TRIM64B: variants seen among roughly 807,000 people sequenced by gnomAD.
TRIM64B encodes tripartite motif-containing protein 64B.
For missense variants in TRIM64B, 57 were observed against 536.4 expected (o/e 0.11, Z 8.83); for synonymous variants, 17 against 190.3 (o/e 0.09, Z 7.50).
chr11:89,876,480 C>T (rs1297464744), upstream of TRIM64B, among the ~76,000 whole-genome samples: 9 of 149,452 alleles, frequency 6.0e-5, no homozygotes, highest in Non-Finnish European at 1.4e-4. Flanking sequence ...CCCAGCACTT[C>T]GGGAGGCCGA....
intron 5 of TRIM64B, among the ~76,000 whole-genome samples, 155 bp downstream of exon 6, chr11:89,872,060 A>T (rs1224440848): frequency 7.4e-6 from 1 of 135,464 alleles, no homozygotes; most frequent in Non-Finnish European, 1.6e-5. Context: ...TGATCATTGT[A>T]ATATTACTAT....
chr11:89,877,810 C>T (rs1358656817), upstream of TRIM64B, among the ~76,000 whole-genome samples: 1 of 149,438 alleles, frequency 6.7e-6, no homozygotes, highest in Admixed American at 6.7e-5. Context: ...TTAGTAGGGA[C>T]CAGGTTTCAC....
intron 3 of TRIM64B, 37 bp downstream of exon 4, chr11:89,874,012 G>A (rs1472585466): frequency 3.2e-6 from 5 of 1,547,780 alleles, no homozygotes; most frequent in East Asian, 4.9e-5. Flanking sequence ...GTCCAGCAAA[G>A]GCTTCCTGTC....
At chr11:89,877,660 C>T (rs1299411298), upstream of TRIM64B, among the ~76,000 whole-genome samples, 1 of 148,002 alleles carries the variant, frequency 6.8e-6, no homozygotes, top group Non-Finnish European at 1.5e-5. Context: ...CACTCTGTTA[C>T]GCAGGCTGGA....
At chr11:89,877,609 C>CTT (rs1280189775), upstream of TRIM64B, among the ~76,000 whole-genome samples, 146 of 141,510 alleles carry the variant, frequency 1.0e-3, 1 homozygote, top group African/African-American at 3.2e-3. Flanking sequence ...TTTTCTTTTT[C>CTT]TTTTTTTTTT....
chr11:89,871,491 T>A (rs1162474948), intron 5 of TRIM64B, among the ~76,000 whole-genome samples: 1 of 152,012 alleles, frequency 6.6e-6, no homozygotes, highest in Non-Finnish European at 1.5e-5. Flanking sequence ...TGAGTATTTA[T>A]TGGAATGTAA....
chr11:89,871,324 C>T (rs1281868161), intron 5 of TRIM64B, among the ~76,000 whole-genome samples: 91 of 152,262 alleles, frequency 6.0e-4, no homozygotes, highest in South Asian at 2.9e-3. Context: ...AGAGAAAAAA[C>T]GTGACCATAC....
upstream of TRIM64B, among the ~76,000 whole-genome samples, chr11:89,877,983 G>A (rs1401276667): frequency 6.7e-6 from 1 of 148,338 alleles, no homozygotes; most frequent in Non-Finnish European, 1.5e-5. Flanking sequence ...TGAAGAGACA[G>A]CAAATAAGAC....
At chr11:89,876,901 C>G (rs1268508827), upstream of TRIM64B, among the ~76,000 whole-genome samples, 1 of 149,010 alleles carries the variant, frequency 6.7e-6, no homozygotes, top group Admixed American at 6.7e-5. Flanking sequence ...TTAAACAAGC[C>G]GTGCTCTCAG....
intron 4 of TRIM64B, among the ~76,000 whole-genome samples, chr11:89,872,922 CTT>C (rs34678191): frequency 0.13 from 17,614 of 135,866 alleles, 1,977 homozygotes; most frequent in African/African-American, 0.29. Flanking sequence ...CTCCCTCTGT[CTT>C]TTTTTTTTTT....
upstream of TRIM64B, among the ~76,000 whole-genome samples, chr11:89,877,707 C>T (rs1218511757): frequency 4.7e-5 from 7 of 149,330 alleles, no homozygotes; most frequent in Admixed American, 2.0e-4. Flanking sequence ...GCAAGCTCCA[C>T]CTCCCAGGTT....
In TRIM64B at chr11:89,872,918, CTGTCTT is replaced by C. The variant is rs1317288371; in HGVS notation, c.758+344_758+349del. 2.8e-5 allele frequency among the ~76,000 whole-genome samples: 4 copies of C among 144,856 alleles called. No homozygotes were observed. In the East Asian group the frequency reaches 6.2e-4, roughly 23 times the overall value. On this transcript the variant is annotated intron_variant, in intron 4 of 5. Coordinates refer to ENST00000329862, the Ensembl canonical transcript of TRIM64B. ...TCCTTAGGGAATCTCTCTCCTCCCT[CTGTCTT>C]TTTTTTTTTTTTTTTTTTAACCTCC... is the stretch of plus-strand genomic sequence containing the variant.
At chr11:89,876,554 C>G (rs544527425), upstream of TRIM64B, among the ~76,000 whole-genome samples, 28 of 149,630 alleles carry the variant, frequency 1.9e-4, 5 homozygotes, top group East Asian at 5.3e-3. Context: ...AACCCCGTTT[C>G]TACTAAAAAT....
chr11:89,876,306 G>A (rs1324088925), upstream of TRIM64B, among the ~76,000 whole-genome samples: 26 of 144,668 alleles, frequency 1.8e-4, no homozygotes, highest in African/African-American at 6.2e-4. Flanking sequence ...GAATTTGTAT[G>A]TAACCTAAAC....
upstream of TRIM64B, among the ~76,000 whole-genome samples, chr11:89,877,665 G>C (rs1330888930): frequency 6.7e-6 from 1 of 148,990 alleles, no homozygotes. Flanking sequence ...TGTTACGCAG[G>C]CTGGAGTGCA....
chr11:89,877,962 A>G (rs1950175796), upstream of TRIM64B, among the ~76,000 whole-genome samples: 1 of 148,402 alleles, frequency 6.7e-6, no homozygotes, highest in South Asian at 2.1e-4. Context: ...TAGTCTGCAA[A>G]TTGCAAATTT....
upstream of TRIM64B, among the ~76,000 whole-genome samples, chr11:89,877,609 CTT>C (rs1280189775): frequency 2.3e-4 from 32 of 141,392 alleles, no homozygotes; most frequent in Admixed American, 2.1e-4. Context: ...TTTTCTTTTT[CTT>C]TTTTTTTTTT....
chr11:89,876,428 A>G (rs1244399914), upstream of TRIM64B, among the ~76,000 whole-genome samples: 32 of 149,380 alleles, frequency 2.1e-4, no homozygotes, highest in Non-Finnish European at 4.5e-4. Flanking sequence ...AAGATTAAAA[A>G]TATGTACATG....
intron 4 of TRIM64B, 84 bp from the exon 6 acceptor site, chr11:89,872,396 A>G (rs1950119817): frequency 6.5e-7 from 1 of 1,534,132 alleles, no homozygotes; most frequent in Non-Finnish European, 8.7e-7. Context: ...TTCATATAAG[A>G]TGTTTCCTCA....
Sources: allele counts gnomAD v4.1 joint callset (sites outside exome capture counted in the v4.1 genomes callset), GRCh38; gene constraint gnomAD v4.1.1; transcripts MANE v1.5; gene names NCBI Gene and HGNC (gene_info 2026-07-23, HGNC 2026-07-21).